PLEKHA5: variants seen among roughly 807,000 people sequenced by gnomAD.
PLEKHA5 encodes the protein pleckstrin homology domain-containing family A member 5.
In PLEKHA5, 55 loss-of-function variants were observed where a neutral mutation model predicts 181.9. The observed-to-expected ratio is 0.30, with a 90% CI of 0.24 to 0.38. PLEKHA5 has a LOEUF of 0.38. Among genes scored for constraint, PLEKHA5 ranks in the 10% least tolerant of loss-of-function variants. The pLI, the probability that PLEKHA5 is intolerant of heterozygous loss-of-function variation, is 1.00. For missense variants in PLEKHA5, 1,432 were observed against 1,549.5 expected (o/e 0.92, Z 1.27); for synonymous variants, 535 against 529.4 (o/e 1.01, Z -0.15).
chr12:19,201,174 T>A (rs2054089821), intron 3 of PLEKHA5: 1 of 152,064 alleles, frequency 6.6e-6, no homozygotes, highest in African/African-American at 2.4e-5. Context: ...ACAGCTCAAT[T>A]TTTTAAATGA....
intron 20 of PLEKHA5, among the ~76,000 whole-genome samples, chr12:19,335,187 G>A (rs1041337751): frequency 2.0e-5 from 3 of 150,336 alleles, no homozygotes; most frequent in Admixed American, 6.6e-5. Context: ...AAGCGCCACC[G>A]CACCCAGAGA....
chr12:19,297,466 C>T (rs1017026047), intron 15 of PLEKHA5, among the ~76,000 whole-genome samples: 4 of 149,166 alleles, frequency 2.7e-5, no homozygotes, highest in African/African-American at 7.4e-5. Flanking sequence ...ACTAAAAATA[C>T]AAAAAATTAG....
chr12:19,165,850 A>C (rs975223414), intron 3 of PLEKHA5, among the ~76,000 whole-genome samples: 2 of 152,190 alleles, frequency 1.3e-5, no homozygotes, highest in Non-Finnish European at 2.9e-5. Context: ...AGGTTCGCAA[A>C]AGGGAAAGTA....
Position 19,277,294 on chromosome 12 carries a change from C to T in PLEKHA5, c.1313+2311C>T, listed in dbSNP as rs567603853. 1.1e-4 allele frequency among the ~76,000 whole-genome samples: 16 copies of T among 152,110 alleles called. 1 individual carries two copies. Among genetic ancestry groups the T allele is most frequent in the African/African-American group, 1.9e-4 (8 of 41,504 alleles). On this transcript the variant is annotated intron_variant, in intron 11 of 31. Transcript: ENST00000429027. ...ACTTCAAAGAAGAATCACTTTTCCC[C>T]GAAAATCATACTTTCTTAAGTTTAA...
chr12:19,342,520 G>A (rs576694706), intron 21 of PLEKHA5, among the ~76,000 whole-genome samples: 5 of 152,270 alleles, frequency 3.3e-5, no homozygotes, highest in African/African-American at 4.8e-5. Flanking sequence ...GCCGGGTGTG[G>A]TGGCACATGC....
chr12:19,250,311 G>A (rs914625480), intron 3 of PLEKHA5, among the ~76,000 whole-genome samples: 2 of 152,178 alleles, frequency 1.3e-5, no homozygotes, highest in African/African-American at 2.4e-5. Context: ...TTGGCCGGGC[G>A]CAGAGGCTCA....
At chr12:19,194,226 C>CT (rs1382570144) in intron 3 of PLEKHA5, among the ~76,000 whole-genome samples, 2 of 152,168 alleles carry the variant, frequency 1.3e-5, no homozygotes, top group African/African-American at 4.8e-5. Context: ...AGTTGTTTCA[C>CT]TTAAGATAAT....
At chr12:19,157,638 C>G (rs554773360) in intron 3 of PLEKHA5, among the ~76,000 whole-genome samples, 41 of 152,110 alleles carry the variant, frequency 2.7e-4, no homozygotes, top group Non-Finnish European at 5.6e-4. Flanking sequence ...TCATTTATTG[C>G]ATACACCATA....
At chr12:19,171,456 A>G (rs1390971036) in intron 3 of PLEKHA5, among the ~76,000 whole-genome samples, 1 of 152,174 alleles carries the variant, frequency 6.6e-6, no homozygotes, top group Non-Finnish European at 1.5e-5. Flanking sequence ...ATGTGGATTT[A>G]TTTATATTGA....
chr12:19,314,838 A>G lies in PLEKHA5; in HGVS notation c.2062A>G (p.Thr688Ala), dbSNP rs566447828. ...GATGAAAGAAAATGAACCTATTATC[A>G]CCATGGTTCACACAATGATTGAGAA... Reference protein sequence around the residue: ...HQMKENEPIITMVHTMIENSA... With the variant: ...HQMKENEPIIAMVHTMIENSA... The change falls in exon 16 of 32, where the codon ACC (threonine) becomes GCC (alanine). Residue 688 changes from threonine to alanine, a missense_variant. Thr to Ala is a moderately conservative substitution (Grantham distance 58). This residue lies in a region of PLEKHA5 where 1,143 missense variants were observed against 1,168.4 expected (regional missense o/e 0.98). Transcript: ENST00000429027. 2.2e-4 allele frequency: 342 copies of G among 1,546,084 alleles called. No homozygotes were observed. The highest frequency in any genetic ancestry group is 4.3e-4 in the South Asian group (36 of 83,942).
chr12:19,165,237 A>G (rs924800102), intron 3 of PLEKHA5, among the ~76,000 whole-genome samples: 1 of 152,114 alleles, frequency 6.6e-6, no homozygotes, highest in African/African-American at 2.4e-5. Context: ...GTGCTACATG[A>G]TGTTTGGTTT....
At chr12:19,197,600 GT>G (rs2053137317) in intron 3 of PLEKHA5, among the ~76,000 whole-genome samples, 1 of 151,448 alleles carries the variant, frequency 6.6e-6, no homozygotes, top group Non-Finnish European at 1.5e-5. Flanking sequence ...ACAAAGATCT[GT>G]TTTTCCCAAA....
At chr12:19,191,331 T>C (rs2051068046) in intron 3 of PLEKHA5, among the ~76,000 whole-genome samples, 1 of 152,178 alleles carries the variant, frequency 6.6e-6, no homozygotes, top group Admixed American at 6.5e-5. Flanking sequence ...TAGACCAGTA[T>C]GTAGAAATCA....
chr12:19,165,013 C>T (rs2043969110), intron 3 of PLEKHA5, among the ~76,000 whole-genome samples: 1 of 152,130 alleles, frequency 6.6e-6, no homozygotes, highest in Non-Finnish European at 1.5e-5. Context: ...CTGGACAAAG[C>T]TCACCAAACC....
At chr12:19,247,280 C>T (rs981704147) in intron 3 of PLEKHA5, among the ~76,000 whole-genome samples, 8 of 152,172 alleles carry the variant, frequency 5.3e-5, no homozygotes, top group Admixed American at 2.6e-4. Context: ...CTCTTCCTTC[C>T]ATCAGTAGTT....
chr12:19,218,341 A>G (rs1227277983), intron 3 of PLEKHA5, among the ~76,000 whole-genome samples: 5 of 152,198 alleles, frequency 3.3e-5, no homozygotes, highest in Non-Finnish European at 7.3e-5. Flanking sequence ...TTTTTGCCTA[A>G]CTTCTAGCTC....
intron 20 of PLEKHA5, among the ~76,000 whole-genome samples, chr12:19,331,552 C>T (rs1461238352): frequency 6.6e-6 from 1 of 152,014 alleles, no homozygotes; most frequent in African/African-American, 2.4e-5. Context: ...GCTATATAGC[C>T]GTCTAGCTAA....
intron 3 of PLEKHA5, among the ~76,000 whole-genome samples, chr12:19,204,152 G>A (rs2054841447): frequency 6.6e-6 from 1 of 152,104 alleles, no homozygotes; most frequent in East Asian, 1.9e-4. Flanking sequence ...TGAGGCTACT[G>A]TTCTCAAAAA....
chr12:19,205,599 G>A (rs2055250404), intron 3 of PLEKHA5, among the ~76,000 whole-genome samples: 1 of 152,108 alleles, frequency 6.6e-6, no homozygotes, highest in Admixed American at 6.6e-5. Context: ...TGTTTCTGCA[G>A]TCTAAATCTT....
Sources: allele counts gnomAD v4.1 joint callset (sites outside exome capture counted in the v4.1 genomes callset), GRCh38; gene constraint gnomAD v4.1.1; regional missense constraint gnomAD v4.1.1; transcripts MANE v1.5; gene names NCBI Gene and HGNC (gene_info 2026-07-23, HGNC 2026-07-21).